TNC: variants seen among roughly 807,000 people sequenced by gnomAD.
The protein encoded by TNC is tenascin.
TNC carries 109 observed loss-of-function variants against 202.4 expected under a neutral mutation model. That is an observed-to-expected ratio of 0.54 (90% CI 0.46 to 0.63). TNC has a LOEUF of 0.63. TNC is among the 30% of genes least tolerant of loss of function. The pLI, the probability that TNC is intolerant of heterozygous loss-of-function variation, is 0.00. For synonymous variants in TNC, 1,007 were observed against 1,089.7 expected, an observed-to-expected ratio of 0.92 and a Z score of 1.50; for missense variants, 2,756 against 2,833.3, an observed-to-expected ratio of 0.97 and a Z score of 0.62.
intron 8 of TNC, 79 bp downstream of exon 8, chr9:115,076,311 G>A: frequency 1.3e-6 from 2 of 1,519,996 alleles, no homozygotes; most frequent in African/African-American, 1.4e-5. Context: ...TGCAAATGGG[G>A]ACATGTGGGA....
chr9:115,085,233 C>A (rs182457028), intron 3 of TNC, among the ~76,000 whole-genome samples: 12 of 152,216 alleles, frequency 7.9e-5, no homozygotes, highest in East Asian at 1.9e-4. Context: ...AGGATAGGAG[C>A]TTGCAGTCTT....
At chr9:115,042,413 T>G in intron 17 of TNC, 72 bp from the exon 18 acceptor site, 1 of 1,578,366 alleles carries the variant, frequency 6.3e-7, no homozygotes, top group Non-Finnish European at 8.6e-7. Flanking sequence ...TCTTCCTGAA[T>G]TCCTTATTTA....
intron 15 of TNC, among the ~76,000 whole-genome samples, chr9:115,054,943 A>G (rs1484320936): frequency 6.6e-6 from 1 of 152,194 alleles, no homozygotes; most frequent in East Asian, 1.9e-4. Flanking sequence ...CGAGAACAAG[A>G]TAAGACTACT....
chr9:115,082,236 C>G (rs550740809), intron 5 of TNC, among the ~76,000 whole-genome samples: 47 of 152,346 alleles, frequency 3.1e-4, no homozygotes, highest in African/African-American at 1.0e-3. Flanking sequence ...AGGCCAGCAT[C>G]AGAGGAGTAG....
intron 7 of TNC, among the ~76,000 whole-genome samples, chr9:115,077,076 T>C (rs776284094): frequency 1.2e-3 from 177 of 152,268 alleles, no homozygotes; most frequent in Non-Finnish European, 1.7e-3. Flanking sequence ...TATTTATTTT[T>C]TTGAGACGGA....
At position 115,057,213 on chromosome 9, in the gene TNC, A is replaced by G; in HGVS notation, c.4519T>C (p.Tyr1507His). 1.2e-6 allele frequency: 2 copies of G among 1,614,164 alleles called. No individual in the cohort carries two copies. The highest frequency in any genetic ancestry group is 1.7e-6 in the Non-Finnish European group (2 of 1,180,010). ...GLPPSTDFIV[Y>H]LSGLAPSIRT... is the part of the protein sequence containing the mutation. ...ATGCTGGGAGCAAGTCCAGAGAGGT[A>G]GACAATAAAATCAGTACTAGGGGGT... is the stretch of plus-strand genomic sequence containing the variant. Residue 1507 changes from tyrosine (Y) to histidine (H), a missense_variant, in exon 15 of 28, where the codon TAC becomes CAC. Tyr to His is a moderately conservative substitution (Grantham distance 83). This residue lies in a region of TNC where 2,559 missense variants were observed against 2,546.0 expected (regional missense o/e 1.01). Coordinates refer to ENST00000350763, the MANE Select transcript of TNC (RefSeq NM_002160.4).
At chr9:115,032,448 A>G (rs1646507143) in intron 22 of TNC, among the ~76,000 whole-genome samples, 1 of 152,228 alleles carries the variant, frequency 6.6e-6, no homozygotes, top group African/African-American at 2.4e-5. Context: ...TGCTTTAAGA[A>G]GCTTAATCTG....
intron 1 of TNC, among the ~76,000 whole-genome samples, chr9:115,105,927 C>A (rs1224372234): frequency 6.6e-6 from 1 of 152,032 alleles, no homozygotes; most frequent in African/African-American, 2.4e-5. Context: ...AGAGTGTTTC[C>A]CAAATCTACT....
chr9:115,076,347 T>C, intron 8 of TNC, 43 bp downstream of exon 8: 2 of 1,608,036 alleles, frequency 1.2e-6, no homozygotes, highest in Non-Finnish European at 1.7e-6. Context: ...TTAAGGGCCC[T>C]CTAGGGCTGG....
intron 1 of TNC, among the ~76,000 whole-genome samples, chr9:115,101,588 T>C (rs1345042979): frequency 1.3e-5 from 2 of 152,212 alleles, no homozygotes; most frequent in African/African-American, 4.8e-5. Context: ...GTTGGGAACA[T>C]GGTGCACTCT....
In TNC at chr9:115,110,966, G is replaced by A. The variant is rs150876190; in HGVS notation, c.-137+7016C>T. 9.7e-4 allele frequency among the ~76,000 whole-genome samples: 144 copies of A among 148,378 alleles called. 2 individuals carry two copies. The East Asian group carries it at 0.026, about 27-fold the overall frequency. ...GTGATCTCGGCTAACTGCAAGCTCC[G>A]CCTCCCAGGTTCACGCCAGTCTCCT... On this transcript the variant is annotated intron_variant, in intron 1 of 27. Coordinates refer to ENST00000350763, the MANE Select transcript of TNC (RefSeq NM_002160.4).
chr9:115,085,820 C>T (rs1296096556), intron 3 of TNC, 44 bp downstream of exon 3: 1 of 1,541,236 alleles, frequency 6.5e-7, no homozygotes, highest in East Asian at 2.4e-5. Context: ...TAGGAGTCCA[C>T]TCCATCATGG....
intron 9 of TNC, among the ~76,000 whole-genome samples, chr9:115,075,302 G>A (rs1323783491): frequency 6.6e-6 from 1 of 152,154 alleles, no homozygotes; most frequent in Non-Finnish European, 1.5e-5. Flanking sequence ...ACAGGTAAGT[G>A]CAGGGCCTGG....
chr9:115,021,567 T>C (rs1251404718), intron 27 of TNC, among the ~76,000 whole-genome samples: 1 of 152,192 alleles, frequency 6.6e-6, no homozygotes, highest in Non-Finnish European at 1.5e-5. Context: ...GCTGATGAAA[T>C]CTGCCGTCCT....
chr9:115,041,314 GA>G (rs112092769), intron 18 of TNC, among the ~76,000 whole-genome samples: 64 of 131,684 alleles, frequency 4.9e-4, no homozygotes, highest in African/African-American at 1.4e-3. Flanking sequence ...AGGGGCGGGG[GA>G]AAACATGAAG....
At chr9:115,077,919 T>C in intron 7 of TNC, 24 bp downstream of exon 7, 1 of 1,607,382 alleles carries the variant, frequency 6.2e-7, no homozygotes, top group South Asian at 1.1e-5. Flanking sequence ...TTACTATATC[T>C]GTTAACAGGG....
intron 17 of TNC, among the ~76,000 whole-genome samples, chr9:115,045,593 G>C (rs987555132): frequency 6.9e-6 from 1 of 143,968 alleles, no homozygotes; most frequent in Non-Finnish European, 1.5e-5. Context: ...TGTTGCCTAG[G>C]CTGGTCTCAA....
Position 115,041,313 on chromosome 9 carries a change from G to GGGGT in TNC, c.5249-230_5249-229insACCC, listed in dbSNP as rs1830735149. Among the ~76,000 whole-genome samples the GGGGT allele has an allele frequency of 3.0e-5, 4 of 134,768 alleles. No individual in the cohort carries two copies. In the South Asian group the frequency reaches 7.0e-4, roughly 24 times the overall value. The allele number at this position is 134,768 out of a possible 152,430, so 88.4% of individuals were successfully genotyped here. A position where few individuals can be genotyped will look rare whatever the true frequency, so the allele number is the denominator to read the frequency against. On this transcript the variant is annotated intron_variant, in intron 18 of 27. Coordinates refer to ENST00000350763, the MANE Select transcript of TNC (RefSeq NM_002160.4). The stretch of plus-strand genomic sequence containing the variant: ...CAAAAACAAAGCCAGGAGGGGCGGG[G>GGGGT]GAAAACATGAAGTCACAACGTACTA...
In TNC at chr9:115,045,173, C is replaced by T. The variant is rs768171002; in HGVS notation, c.5125+1237G>A. 2.0e-5 allele frequency among the ~76,000 whole-genome samples: 3 copies of T among 152,140 alleles called. No individual in the cohort carries two copies. The South Asian group carries it at 6.2e-4, about 31-fold the overall frequency. On this transcript the variant is annotated intron_variant, in intron 17 of 27. Coordinates refer to ENST00000350763, the MANE Select transcript of TNC (RefSeq NM_002160.4). ...ATCATCTCTCAGGTCCCTTTTATCT[C>T]TCCTGGTGATTTTGTGGTTCTGTCC...
Sources: allele counts gnomAD v4.1 joint callset (sites outside exome capture counted in the v4.1 genomes callset), GRCh38; gene constraint gnomAD v4.1.1; regional missense constraint gnomAD v4.1.1; transcripts MANE v1.5; gene names NCBI Gene and HGNC (gene_info 2026-07-23, HGNC 2026-07-21).